The following PTPRB variants were observed in gnomAD, a reference collection of about 807,000 sequenced individuals.
PTPRB encodes protein tyrosine phosphatase receptor type B, also known as receptor-type tyrosine-protein phosphatase beta.
A neutral mutation model predicts 238.1 loss-of-function variants in PTPRB; 97 were observed. The ratio of observed to expected loss-of-function variants is 0.41; its 90% CI spans 0.35 to 0.48. PTPRB has a LOEUF of 0.48. PTPRB is among the 20% of genes least tolerant of loss of function. The pLI, the probability that PTPRB is intolerant of heterozygous loss-of-function variation, is 0.30. For synonymous variants in PTPRB, 970 were observed against 995.4 expected, an observed-to-expected ratio of 0.97 and a Z score of 0.48; for missense variants, 2,292 against 2,681.9, an observed-to-expected ratio of 0.85 and a Z score of 3.21.
At chr12:70,610,939 G>T (rs1010235282) in intron 3 of PTPRB, among the ~76,000 whole-genome samples, 1 of 152,062 alleles carries the variant, frequency 6.6e-6, no homozygotes, top group African/African-American at 2.4e-5. Flanking sequence ...ATGCCCTTTA[G>T]CAACTGCTTC....
In PTPRB at chr12:70,586,951, A is replaced by G. The variant is rs114804616; in HGVS notation, c.2311+56T>C. On this transcript the variant is annotated intron_variant, in intron 9 of 33. Transcript: ENST00000334414. ...ATGAATACTTGTAAATTGCATGTTA[A>G]ATAGTAATTCAGCAGACAGAACACT... is the stretch of plus-strand genomic sequence containing the variant. 4.1e-4 allele frequency: 622 copies of G among 1,514,326 alleles called. 1 individual carries two copies. The African/African-American group carries it at 7.5e-3, about 18-fold the overall frequency. The allele number at this position is 1,514,326 out of a possible 1,614,324, so 93.8% of individuals were successfully genotyped here.
chr12:70,538,810 T>G, intron 27 of PTPRB, 114 bp downstream of exon 27: 5 of 822,924 alleles, frequency 6.1e-6, no homozygotes, highest in Non-Finnish European at 9.9e-6. Flanking sequence ...ATTCAGAGCT[T>G]GAGATTGTCC....
chr12:70,564,836 AAATAATAAATAATAAT>A (rs1463983542), intron 15 of PTPRB, among the ~76,000 whole-genome samples: 473 of 32,776 alleles, frequency 0.014, 6 homozygotes, highest in African/African-American at 0.035. Context: ...CTGTCTCCAA[AAATAATAAATAATAAT>A]AATAATAATA....
chr12:70,582,673 G>T (rs1881505496), intron 9 of PTPRB, among the ~76,000 whole-genome samples: 1 of 151,968 alleles, frequency 6.6e-6, no homozygotes, highest in African/African-American at 2.4e-5. Context: ...CTCAAAATGG[G>T]TCGCAGACCT....
In PTPRB at chr12:70,524,528, C is replaced by A. The variant is rs780593783; in HGVS notation, c.6568G>T (p.Glu2190Ter). The A allele has an allele frequency of 1.2e-6, 2 of 1,613,142 alleles. No homozygotes were observed. The highest frequency in any genetic ancestry group is 1.7e-6 in the Non-Finnish European group (2 of 1,179,374). Residue 2190 changes from glutamate to a stop codon, truncating the protein, a stop_gained, in exon 33 of 34, where the codon GAA becomes TAA. Coordinates refer to ENST00000334414, the MANE Select transcript of PTPRB (RefSeq NM_001109754.4). LOFTEE classifies it high-confidence loss of function. ...ATTGGAAACAAGGGGTTTTCTTGTTCACTCCGTAGCTTTCTTGCTCTGAGG... is the reference window on the plus strand; with the variant it reads ...ATTGGAAACAAGGGGTTTTCTTGTTAACTCCGTAGCTTTCTTGCTCTGAGG... ...DVLRARKLRS[E>*]QENPLFPIYE...
intron 18 of PTPRB, among the ~76,000 whole-genome samples, chr12:70,558,486 T>C (rs1037865719): frequency 2.6e-5 from 4 of 152,072 alleles, no homozygotes; most frequent in Non-Finnish European, 4.4e-5. Context: ...CTGGGTATTA[T>C]TGAAACACAA....
At chr12:70,564,536 A>AG (rs59082205) in intron 15 of PTPRB, among the ~76,000 whole-genome samples, 1 of 150,036 alleles carries the variant, frequency 6.7e-6, no homozygotes, top group East Asian at 2.0e-4. Flanking sequence ...AAAAAAAAAA[A>AG]TTGTAAGCCC....
chr12:70,599,602 T>C (rs1883308235), intron 4 of PTPRB, among the ~76,000 whole-genome samples: 1 of 152,220 alleles, frequency 6.6e-6, no homozygotes, highest in African/African-American at 2.4e-5. Flanking sequence ...AAATATGGAA[T>C]GACAAATGCA....
intron 21 of PTPRB, among the ~76,000 whole-genome samples, chr12:70,548,385 C>T (rs978568159): frequency 1.4e-5 from 2 of 145,814 alleles, no homozygotes; most frequent in South Asian, 2.2e-4. Context: ...CACACACACA[C>T]GCCATGACTT....
rs149945101 is a variant in PTPRB at position 70,530,986 on chromosome 12, G to A, written c.6504+1049C>T. Among the ~76,000 whole-genome samples the A allele has an allele frequency of 1.3e-3, 191 of 152,374 alleles. 1 individual carries two copies. The highest frequency in any genetic ancestry group is 4.3e-3 in the African/African-American group (178 of 41,588). On this transcript the variant is annotated intron_variant, in intron 32 of 33. Coordinates refer to ENST00000334414, the MANE Select transcript of PTPRB (RefSeq NM_001109754.4). ...CCAGCCCAGGACAATAGTGGTGGCA[G>A]AGGTTCCTGCCTGCAGGAGGCAATG...
At chr12:70,526,073 A>G (rs1395937173) in intron 32 of PTPRB, among the ~76,000 whole-genome samples, 1 of 152,232 alleles carries the variant, frequency 6.6e-6, no homozygotes. Flanking sequence ...CTTTCCAAGT[A>G]AACAGGTACT....
At chr12:70,538,573 T>G (rs1715018884) in intron 27 of PTPRB, 2 of 431,938 alleles carry the variant, frequency 4.6e-6, no homozygotes, top group African/African-American at 2.0e-5. Flanking sequence ...GTAAGGAAAT[T>G]TAAGTAGAAA....
intron 4 of PTPRB, among the ~76,000 whole-genome samples, chr12:70,599,289 G>A (rs1197420186): frequency 4.6e-5 from 7 of 152,080 alleles, no homozygotes; most frequent in Non-Finnish European, 1.0e-4. Context: ...ATTTAGTCAT[G>A]TACCTATAGT....
At chr12:70,622,103 T>C (rs919063515) in intron 3 of PTPRB, among the ~76,000 whole-genome samples, 1 of 152,230 alleles carries the variant, frequency 6.6e-6, no homozygotes, top group African/African-American at 2.4e-5. Flanking sequence ...TTTCAGGACA[T>C]GTGTAACACC....
chr12:70,536,245 G>C (rs1565911141), intron 28 of PTPRB, 86 bp from the exon 29 acceptor site: 1 of 1,435,724 alleles, frequency 7.0e-7, no homozygotes, highest in Non-Finnish European at 9.4e-7. Context: ...TAGATGATAG[G>C]GAGGTCTCTG....
At chr12:70,633,259 A>G (rs555272259) in intron 2 of PTPRB, among the ~76,000 whole-genome samples, 1 of 152,304 alleles carries the variant, frequency 6.6e-6, no homozygotes, top group East Asian at 1.9e-4. Flanking sequence ...CTCATGATAT[A>G]GGTCTACAAG....
chr12:70,537,305 A>AG (rs1401863725), intron 28 of PTPRB, among the ~76,000 whole-genome samples: 3 of 135,914 alleles, frequency 2.2e-5, no homozygotes, highest in Non-Finnish European at 3.2e-5. Flanking sequence ...AAAAAAAAAA[A>AG]AAAGAAAGAA....
At chr12:70,632,579 A>T (rs1450267164) in intron 2 of PTPRB, among the ~76,000 whole-genome samples, 7 of 143,568 alleles carry the variant, frequency 4.9e-5, no homozygotes, top group East Asian at 2.0e-4. Flanking sequence ...AAGTATAATT[A>T]AAAAAAAAAA....
In PTPRB at chr12:70,555,863, C is replaced by T. The variant is rs748228274; in HGVS notation, c.4993+7G>A. The T allele has an allele frequency of 1.2e-6, 2 of 1,611,574 alleles. No individual in the cohort carries two copies. The highest frequency in any genetic ancestry group is 3.3e-5 in the Admixed American group (2 of 59,958). ...GAGGCTCTGTGCGCACCTCCAGGGA[C>T]ACTTACGGTCTATCATTGTGATAGT... On this transcript the variant is annotated splice_region_variant and intron_variant, in intron 19 of 33. Transcript: ENST00000334414.
Sources: allele counts gnomAD v4.1 joint callset (sites outside exome capture counted in the v4.1 genomes callset), GRCh38; gene constraint gnomAD v4.1.1; transcripts MANE v1.5; gene names NCBI Gene and HGNC (gene_info 2026-07-23, HGNC 2026-07-21).